The following UBE2V2 variants were observed in gnomAD, a reference collection of about 807,000 sequenced individuals.
UBE2V2 encodes the protein ubiquitin-conjugating enzyme E2 variant 2.
UBE2V2 carries 9 observed loss-of-function variants against 17.2 expected under a neutral mutation model. The ratio of observed to expected loss-of-function variants is 0.52; its 90% confidence interval spans 0.32 to 0.91. The LOEUF (loss-of-function observed/expected upper bound fraction) is 0.91, where lower values mean the gene tolerates loss of function less well. UBE2V2 is among the 40% of genes least tolerant of loss of function. UBE2V2 has a pLI of 0.04. For missense variants in UBE2V2, 133 were observed against 182.6 expected (o/e 0.73, Z 1.56); for synonymous variants, 61 against 57.5 (o/e 1.06, Z -0.28).
chr8:48,025,567 C>T (rs1160379751), intron 1 of UBE2V2, among the ~76,000 whole-genome samples: 5 of 151,794 alleles, frequency 3.3e-5, no homozygotes, highest in South Asian at 2.1e-4. Flanking sequence ...CGTGAGCCAC[C>T]GTGCCTGGCC....
intron 1 of UBE2V2, among the ~76,000 whole-genome samples, chr8:48,030,953 T>C (rs1266562337): frequency 6.6e-6 from 1 of 152,054 alleles, no homozygotes; most frequent in Admixed American, 6.6e-5. Flanking sequence ...ACCTGGGAAG[T>C]GGAGGTTGCA....
chr8:48,026,915 A>G (rs550881849), intron 1 of UBE2V2, among the ~76,000 whole-genome samples: 74 of 152,286 alleles, frequency 4.9e-4, no homozygotes, highest in Non-Finnish European at 7.9e-4. Flanking sequence ...GTAGATACCT[A>G]GGAGTGGAAC....
chr8:48,024,129 G>A (rs574304902), intron 1 of UBE2V2, among the ~76,000 whole-genome samples: 3 of 152,270 alleles, frequency 2.0e-5, no homozygotes, highest in South Asian at 4.1e-4. Context: ...CCTTGTGGCT[G>A]TGTATAGGTA....
chr8:48,010,091 T>C (rs756364741), intron 1 of UBE2V2, among the ~76,000 whole-genome samples: 1 of 152,232 alleles, frequency 6.6e-6, no homozygotes, highest in Non-Finnish European at 1.5e-5. Flanking sequence ...TATACATGAG[T>C]GTATGTTAAT....
intron 1 of UBE2V2, among the ~76,000 whole-genome samples, chr8:48,011,665 T>G (rs1044865274): frequency 1.3e-5 from 2 of 152,198 alleles, no homozygotes; most frequent in Admixed American, 6.5e-5. Context: ...AGACTGAGAC[T>G]TTTTGAGACG....
the UBE2V2 span, among the ~76,000 whole-genome samples, chr8:48,002,237 C>T: frequency 6.6e-6 from 1 of 152,126 alleles, no homozygotes; most frequent in South Asian, 2.1e-4. Flanking sequence ...ACATTCAAAC[C>T]ACTGCAAATA....
chr8:48,024,553 C>T (rs1434683438), intron 1 of UBE2V2, among the ~76,000 whole-genome samples: 1 of 151,854 alleles, frequency 6.6e-6, no homozygotes, highest in Non-Finnish European at 1.5e-5. Context: ...CGAGATCGCG[C>T]CATTGCACAC....
At chr8:48,023,120 T>C (rs1343107010) in intron 1 of UBE2V2, among the ~76,000 whole-genome samples, 6 of 152,144 alleles carry the variant, frequency 3.9e-5, no homozygotes, top group Non-Finnish European at 7.4e-5. Flanking sequence ...AGTAGTCTTA[T>C]TTGGGTTGAA....
At chr8:48,028,223 A>C (rs544295194) in intron 1 of UBE2V2, among the ~76,000 whole-genome samples, 1 of 151,998 alleles carries the variant, frequency 6.6e-6, no homozygotes, top group Non-Finnish European at 1.5e-5. Context: ...GCCGGAGTGC[A>C]GTGTCATGAT....
rs140698738 is a variant in UBE2V2 at position 48,053,344 on chromosome 8, G to C, written c.291+3366G>C. Among the ~76,000 whole-genome samples the C allele has an allele frequency of 2.6e-5, 4 of 151,804 alleles. No homozygotes were observed. The East Asian group carries it at 7.7e-4, about 29-fold the overall frequency. Reference sequence around the variant, plus strand: ...TAACATAATAGAAGTTTTAGAGAATGATAGAACCAGCATCTATGTGTCCTT... The same window carrying C: ...TAACATAATAGAAGTTTTAGAGAATCATAGAACCAGCATCTATGTGTCCTT... On this transcript the variant is annotated intron_variant, in intron 3 of 3. Coordinates refer to ENST00000523111, the MANE Select transcript of UBE2V2 (RefSeq NM_003350.3).
chr8:48,034,347 G>A (rs2091405768), intron 1 of UBE2V2, among the ~76,000 whole-genome samples: 2 of 151,940 alleles, frequency 1.3e-5, no homozygotes, highest in East Asian at 1.9e-4. Flanking sequence ...GGCTGGTCTC[G>A]AACTCCTGAC....
chr8:48,038,353 C>T (rs747280560), intron 1 of UBE2V2, among the ~76,000 whole-genome samples: 3 of 152,032 alleles, frequency 2.0e-5, no homozygotes, highest in Non-Finnish European at 4.4e-5. Context: ...AGTCGGACTC[C>T]GTCACCCAAA....
chr8:48,061,872 A>G lies in UBE2V2; in HGVS notation c.*1044A>G, dbSNP rs1802601124. On this transcript the variant is annotated 3_prime_UTR_variant, in exon 4 of 4. Coordinates refer to ENST00000523111, the MANE Select transcript of UBE2V2 (RefSeq NM_003350.3). ...TATAGGTTGCAAATTATCCAAATAT[A>G]TATCCCATTTTTTAAAGCATAATAT... 1 of 152,182 alleles carries G rather than the reference A, an allele frequency of 6.6e-6. No homozygotes were observed. Among genetic ancestry groups the G allele is most frequent in the Non-Finnish European group, 1.5e-5 (1 of 68,036 alleles). The allele number at this position is 152,182 out of a possible 1,614,324, so 9.4% of individuals were successfully genotyped here.
chr8:48,056,228 A>C (rs1473677988), intron 3 of UBE2V2, among the ~76,000 whole-genome samples: 1 of 152,102 alleles, frequency 6.6e-6, no homozygotes, highest in Non-Finnish European at 1.5e-5. Flanking sequence ...TTGTATGGAG[A>C]TCCCATTTTA....
the UBE2V2 span, among the ~76,000 whole-genome samples, chr8:48,000,821 CAAAAAAAA>C: frequency 4.9e-5 from 1 of 20,488 alleles, no homozygotes; most frequent in African/African-American, 1.6e-4. Context: ...GACTTTGCCT[CAAAAAAAA>C]AAAAAAAAAA....
chr8:48,011,584 A>C (rs987035362), intron 1 of UBE2V2, among the ~76,000 whole-genome samples: 2 of 152,246 alleles, frequency 1.3e-5, no homozygotes, highest in Admixed American at 6.5e-5. Context: ...TTCAGTGTGC[A>C]TCATATACCT....
chr8:48,035,033 A>G, intron 1 of UBE2V2: 1 of 985,196 alleles, frequency 1.0e-6, no homozygotes, highest in Non-Finnish European at 1.2e-6. Flanking sequence ...CAAAAGAACG[A>G]AAGCAGAAGT....
intron 3 of UBE2V2, among the ~76,000 whole-genome samples, chr8:48,051,990 C>T (rs2091541980): frequency 6.6e-6 from 1 of 152,212 alleles, no homozygotes. Flanking sequence ...AGTCCATTTA[C>T]ATTTAATATT....
intron 3 of UBE2V2, among the ~76,000 whole-genome samples, chr8:48,050,979 G>GA (rs1393733010): frequency 6.6e-6 from 1 of 152,140 alleles, no homozygotes. Context: ...CCAAGTATGT[G>GA]AGACTACAAG....
Sources: gnomAD v4.1 joint callset for allele counts (sites outside exome capture counted in the v4.1 genomes callset) on GRCh38, gnomAD v4.1.1 for gene constraint, MANE v1.5 for transcripts, NCBI Gene and HGNC (gene_info 2026-07-23, HGNC 2026-07-21) for gene names.